The following CRLF3 variants were observed in gnomAD, a reference collection of about 807,000 sequenced individuals.
CRLF3 encodes cytokine receptor-like factor 3.
CRLF3 carries 33 observed loss-of-function variants against 55.0 expected under a neutral mutation model. The ratio of observed to expected loss-of-function variants is 0.60; its 90% CI spans 0.46 to 0.80. The LOEUF (loss-of-function observed/expected upper bound fraction) is 0.80, where lower values mean the gene tolerates loss of function less well. CRLF3 is among the 30% of genes least tolerant of loss of function. CRLF3 has a pLI of 0.00. For synonymous variants in CRLF3, 238 were observed against 196.8 expected, an observed-to-expected ratio of 1.21 and a Z score of -1.75; for missense variants, 494 against 538.4, an observed-to-expected ratio of 0.92 and a Z score of 0.82.
chr17:30,790,928 CTTTTTTTT>C (rs979533566), intron 6 of CRLF3: 5 of 149,080 alleles, frequency 3.4e-5, no homozygotes, highest in East Asian at 2.0e-4. Flanking sequence ...TGCTTTTTTT[CTTTTTTTT>C]GAGACGGAGT....
At position 30,792,445 on chromosome 17, in the gene CRLF3, T is replaced by C. The variant is rs113787850; in HGVS notation, c.954A>G (p.Thr318=). The C allele has an allele frequency of 6.2e-7, 1 of 1,608,006 alleles. No individual in the cohort carries two copies. Among genetic ancestry groups the C allele is most frequent in the East Asian group, 2.2e-5 (1 of 44,726 alleles). Residue 318 remains threonine, a synonymous_variant, in exon 6 of 8, where the codon ACA becomes ACG. Coordinates refer to ENST00000324238, the MANE Select transcript of CRLF3 (RefSeq NM_015986.4). ...ATGTTTTAATATCTACTTGCCTGAA[T>C]GTTAATGTCTGCCCACAGAAATAAG... ...APTYFCGQTL[T]FRVETVGQPD...
rs1270649214 is a variant in CRLF3, at chr17:30,824,632, A to C, written c.20T>G (p.Leu7Arg). The C allele has an allele frequency of 6.2e-7, 1 of 1,601,502 alleles. No homozygotes were observed. The highest frequency in any genetic ancestry group is 8.5e-7 in the Non-Finnish European group (1 of 1,177,930). Residue 7 changes from leucine (L) to arginine (R), a missense_variant, in exon 1 of 8, where the codon CTG becomes CGG. Physicochemically the swap from Leu to Arg is moderately radical, Grantham distance 102. Transcript: ENST00000324238. MRGAME[L>R]EPELLLQEAR... ...CTCCTGCAACAGCAGCTCAGGCTCC[A>C]GCTCCATCGCCCCCCTCATCTGGCC... is the stretch of plus-strand genomic sequence containing the variant.
intron 1 of CRLF3, among the ~76,000 whole-genome samples, chr17:30,805,187 A>G (rs1004464054): frequency 6.6e-6 from 1 of 152,166 alleles, no homozygotes; most frequent in Admixed American, 6.6e-5. Flanking sequence ...ATTTCAAAAA[A>G]GAGAAATAAA....
Position 30,784,085 on chromosome 17 carries a change from A to G in CRLF3, c.*102T>C. On this transcript the variant is annotated 3_prime_UTR_variant, in exon 8 of 8. Transcript: ENST00000324238. Reference sequence around the variant, plus strand: ...CCAGTAAACACTTTCCAATGGCCTAAGTTAGAGATGAATTCAACTTTTTTT... The same window carrying G: ...CCAGTAAACACTTTCCAATGGCCTAGGTTAGAGATGAATTCAACTTTTTTT... The G allele has an allele frequency of 9.6e-7, 1 of 1,038,238 alleles. No individual in the cohort carries two copies. Among genetic ancestry groups the G allele is most frequent in the Non-Finnish European group, 1.4e-6 (1 of 709,290 alleles). 64.3% of individuals were successfully genotyped at this position (1,038,238 alleles called of 1,614,324 possible). A position where few individuals can be genotyped will look rare whatever the true frequency, so the allele number is the denominator to read the frequency against.
intron 1 of CRLF3, among the ~76,000 whole-genome samples, chr17:30,806,809 T>G (rs1182095199): frequency 6.6e-6 from 1 of 152,150 alleles, no homozygotes; most frequent in Non-Finnish European, 1.5e-5. Flanking sequence ...AATTTTATTT[T>G]TCACTTTTTG....
intron 2 of CRLF3, among the ~76,000 whole-genome samples, chr17:30,801,807 T>C (rs942455784): frequency 2.0e-5 from 3 of 151,910 alleles, no homozygotes; most frequent in African/African-American, 4.8e-5. Flanking sequence ...CAGGGTCATT[T>C]TTTTTTTAAA....
intron 6 of CRLF3, among the ~76,000 whole-genome samples, chr17:30,788,596 C>CTTTT (rs1429494338): frequency 1.7e-4 from 20 of 120,274 alleles, no homozygotes; most frequent in African/African-American, 2.5e-4. Flanking sequence ...AAAGTAGTGC[C>CTTTT]TTCTTTTTTT....
chr17:30,787,131 G>A (rs532027417), intron 6 of CRLF3, among the ~76,000 whole-genome samples: 16 of 152,224 alleles, frequency 1.1e-4, no homozygotes, highest in African/African-American at 2.4e-4. Flanking sequence ...CACCGTGCCC[G>A]GCCTAGAATC....
intron 6 of CRLF3, among the ~76,000 whole-genome samples, chr17:30,789,384 T>C (rs1971733538): frequency 1.3e-5 from 2 of 152,162 alleles, no homozygotes; most frequent in Admixed American, 6.6e-5. Flanking sequence ...CTATCAGACA[T>C]TACCATGTGT....
At chr17:30,817,907 A>C (rs1182636687) in intron 1 of CRLF3, among the ~76,000 whole-genome samples, 6 of 147,232 alleles carry the variant, frequency 4.1e-5, no homozygotes, top group African/African-American at 1.6e-4. Flanking sequence ...TCCATCCCAA[A>C]AAAAAAAAAA....
At chr17:30,823,218 C>T (rs771488427) in intron 1 of CRLF3, among the ~76,000 whole-genome samples, 2 of 151,660 alleles carry the variant, frequency 1.3e-5, no homozygotes, top group Non-Finnish European at 2.9e-5. Context: ...AAAAATTAGC[C>T]GGGTGTGGTG....
At chr17:30,806,359 A>C (rs1235686038) in intron 1 of CRLF3, among the ~76,000 whole-genome samples, 1 of 152,180 alleles carries the variant, frequency 6.6e-6, no homozygotes, top group African/African-American at 2.4e-5. Flanking sequence ...CTGGAGCAGT[A>C]ATTATGAAAC....
At chr17:30,784,546 T>A in intron 7 of CRLF3, 103 bp from the exon 8 acceptor site, 2 of 1,092,470 alleles carry the variant, frequency 1.8e-6, no homozygotes, top group Non-Finnish European at 2.6e-6. Flanking sequence ...TAATTCAGAT[T>A]TTAAAAAATC....
chr17:30,801,661 C>T (rs547240907), intron 2 of CRLF3, among the ~76,000 whole-genome samples: 1 of 151,984 alleles, frequency 6.6e-6, no homozygotes, highest in South Asian at 2.1e-4. Flanking sequence ...AAACTCCTGA[C>T]CTCAAGTGAT....
chr17:30,790,637 G>C (rs1971776200), intron 6 of CRLF3: 1 of 90,894 alleles, frequency 1.1e-5, no homozygotes. Flanking sequence ...TTTTTTTCCA[G>C]ACGGAATCTT....
At chr17:30,784,747 T>C (rs941179439) in intron 7 of CRLF3, 23 of 238,232 alleles carry the variant, frequency 9.7e-5, no homozygotes, top group African/African-American at 5.1e-4. Flanking sequence ...AATTCTTGAC[T>C]CACCAACACA....
chr17:30,799,780 C>T (rs562740268), intron 2 of CRLF3, among the ~76,000 whole-genome samples: 1 of 152,264 alleles, frequency 6.6e-6, no homozygotes, highest in East Asian at 1.9e-4. Context: ...GTTGTGATTA[C>T]AGGCACGAGC....
rs369210348 is a variant in CRLF3 at position 30,782,909 on chromosome 17, A to G, written c.*1278T>C. 2.6e-5 allele frequency: 4 copies of G among 152,124 alleles called. No individual in the cohort carries two copies. Among genetic ancestry groups the G allele is most frequent in the Non-Finnish European group, 5.9e-5 (4 of 68,024 alleles). 9.4% of individuals were successfully genotyped at this position (152,124 alleles called of 1,614,324 possible). Reference sequence around the variant, plus strand: ...TTTTTACTATACTGGTAAAAATGAAATGAAAAAAATAATTCACATTAAAAT... The same window carrying G: ...TTTTTACTATACTGGTAAAAATGAAGTGAAAAAAATAATTCACATTAAAAT... On this transcript the variant is annotated 3_prime_UTR_variant, in exon 8 of 8. Transcript: ENST00000324238.
Position 30,796,318 on chromosome 17 carries a change from G to C in CRLF3, c.445C>G (p.Leu149Val). Residue 149 changes from leucine to valine, a missense_variant, in exon 4 of 8, where the codon CTG becomes GTG. Leu to Val is a conservative substitution (Grantham distance 32). Transcript: ENST00000324238. ...QLDSLPEVPLLVDVPCLSAQL... is the reference protein window; with the variant it reads ...QLDSLPEVPLVVDVPCLSAQL... ...GCAGATAAACAAGGCACATCAACCA[G>C]TAAAGGTACTTCTGGTAAGCTGAGG... 7 of 1,613,332 alleles carry C rather than the reference G, an allele frequency of 4.3e-6. No homozygotes were observed. The highest frequency in any genetic ancestry group is 5.9e-6 in the Non-Finnish European group (7 of 1,179,592).
Sources: gnomAD v4.1 joint callset for allele counts (sites outside exome capture counted in the v4.1 genomes callset) on GRCh38, gnomAD v4.1.1 for gene constraint, MANE v1.5 for transcripts, NCBI Gene and HGNC (gene_info 2026-07-23, HGNC 2026-07-21) for gene names.